SLC44A5: variants seen among roughly 807,000 people sequenced by gnomAD.
SLC44A5 encodes solute carrier family 44 member 5.
Under a neutral mutation model 101.8 loss-of-function variants are expected in SLC44A5, and 57 were observed. That is an observed-to-expected ratio of 0.56 (90% CI 0.45 to 0.70). The LOEUF (loss-of-function observed/expected upper bound fraction) is 0.70, where lower values mean the gene tolerates loss of function less well. SLC44A5 is among the 30% of genes least tolerant of loss of function. SLC44A5 has a pLI of 0.00. For synonymous variants in SLC44A5, 281 were observed against 290.9 expected (o/e 0.97, Z 0.35); for missense variants, 737 against 853.1 (o/e 0.86, Z 1.70).
At chr1:75,541,386 T>A (rs1671348446) in intron 2 of SLC44A5, 49 bp downstream of exon 2, 1 of 1,325,540 alleles carries the variant, frequency 7.5e-7, no homozygotes, top group Admixed American at 1.7e-5. Context: ...AAAGAATATT[T>A]GGCACAAAAG....
At position 75,203,819 on chromosome 1, in the gene SLC44A5, T is replaced by C. The variant is rs960719499; in HGVS notation, c.2062A>G (p.Arg688Gly). 1.4e-5 allele frequency: 22 copies of C among 1,548,282 alleles called. No individual in the cohort carries two copies. Among genetic ancestry groups the C allele is most frequent in the African/African-American group, 2.7e-5 (2 of 72,868 alleles). Residue 688 changes from arginine (R) to glycine (G), a missense_variant, in exon 24 of 24, where the codon AGA (arginine) becomes GGA (glycine). Arg to Gly is a moderately radical substitution (Grantham distance 125). Transcript: ENST00000370859. ...IFICFLEDLE[R>G]NDGSTARPYY... is the part of the protein sequence containing the mutation. ...GGTCTTGCAGTAGAACCATCATTTC[T>C]TTCTAAATCTTCCACTAGGAGGAAG...
intron 16 of SLC44A5, 89 bp downstream of exon 16, chr1:75,219,168 C>T: frequency 1.1e-6 from 1 of 942,290 alleles, no homozygotes; most frequent in Admixed American, 1.8e-5. Context: ...AGGATCTCTG[C>T]TTCGGGACAA....
the SLC44A5 span, among the ~76,000 whole-genome samples, chr1:75,665,218 C>G: frequency 6.6e-6 from 1 of 152,096 alleles, no homozygotes; most frequent in Non-Finnish European, 1.5e-5. Flanking sequence ...TATAAGGCTA[C>G]AATAACCAAA....
At chr1:75,614,915 C>G (rs573410403), upstream of SLC44A5, among the ~76,000 whole-genome samples, 16 of 152,222 alleles carry the variant, frequency 1.1e-4, no homozygotes, top group East Asian at 3.1e-3. Context: ...CCAGCGAGAG[C>G]TAGGGAGCCG....
intron 4 of SLC44A5, among the ~76,000 whole-genome samples, chr1:75,325,063 C>T (rs1167754801): frequency 6.6e-6 from 1 of 151,992 alleles, no homozygotes. Context: ...AATACACAAA[C>T]AAGTAAACAA....
intron 6 of SLC44A5, among the ~76,000 whole-genome samples, chr1:75,272,664 G>T (rs972445423): frequency 1.3e-5 from 2 of 151,846 alleles, no homozygotes; most frequent in Non-Finnish European, 2.9e-5. Context: ...CCCAATTTAC[G>T]TTTTGTATGC....
At chr1:75,432,770 G>A (rs537379470) in intron 2 of SLC44A5, among the ~76,000 whole-genome samples, 4 of 152,028 alleles carry the variant, frequency 2.6e-5, no homozygotes, top group East Asian at 3.9e-4. Flanking sequence ...AAAAAAATGC[G>A]AGGGTCCATT....
intron 6 of SLC44A5, among the ~76,000 whole-genome samples, chr1:75,257,442 T>TCAA (rs1650106984): frequency 6.6e-6 from 1 of 152,018 alleles, no homozygotes; most frequent in Admixed American, 6.5e-5. Flanking sequence ...ATGCCAGAAT[T>TCAA]CAACAGCCAA....
chr1:75,416,177 T>C (rs563738262), intron 2 of SLC44A5, among the ~76,000 whole-genome samples: 1 of 152,196 alleles, frequency 6.6e-6, no homozygotes, highest in South Asian at 2.1e-4. Context: ...GAAAAAGTTG[T>C]TTCATGGGCT....
At chr1:75,311,116 CTT>C (rs55858318) in intron 4 of SLC44A5, among the ~76,000 whole-genome samples, 1 of 146,806 alleles carries the variant, frequency 6.8e-6, no homozygotes. Context: ...AAAATAGCAT[CTT>C]TTTTTTTTTT....
At chr1:75,331,241 G>T (rs1395386625) in intron 4 of SLC44A5, among the ~76,000 whole-genome samples, 4 of 152,052 alleles carry the variant, frequency 2.6e-5, no homozygotes, top group Non-Finnish European at 4.4e-5. Flanking sequence ...CTCACGCATG[G>T]CATTCACAGG....
chr1:75,376,645 A>C (rs1660640321), intron 3 of SLC44A5, among the ~76,000 whole-genome samples: 2 of 151,192 alleles, frequency 1.3e-5, no homozygotes, highest in African/African-American at 4.8e-5. Flanking sequence ...AAAACTAACA[A>C]ACAGAAAGGA....
At chr1:75,356,180 T>C (rs77269484) in intron 3 of SLC44A5, among the ~76,000 whole-genome samples, 29,200 of 131,188 alleles carry the variant, frequency 0.22, 3,112 homozygotes, top group Non-Finnish European at 0.25. Context: ...GCTACTGCAC[T>C]CCAGCCTGGT....
chr1:75,233,881 T>C, intron 12 of SLC44A5, 105 bp downstream of exon 12: 2 of 820,394 alleles, frequency 2.4e-6, no homozygotes, highest in South Asian at 1.8e-5. Flanking sequence ...GGGTAAAGAA[T>C]AATTAGATCC....
At chr1:75,582,311 A>C (rs1018038991) in intron 1 of SLC44A5, 14 of 1,502,672 alleles carry the variant, frequency 9.3e-6, no homozygotes, top group Non-Finnish European at 1.3e-5. Context: ...AAAGGCTATC[A>C]AGGCCCTGGT....
intron 5 of SLC44A5, among the ~76,000 whole-genome samples, chr1:75,287,817 G>GCCGTGAATA (rs1490715057): frequency 1.3e-5 from 2 of 152,190 alleles, no homozygotes; most frequent in Non-Finnish European, 1.5e-5. Context: ...AGGTGTCTCA[G>GCCGTGAATA]CCGTGAATAC....
intron 2 of SLC44A5, among the ~76,000 whole-genome samples, chr1:75,533,374 C>A (rs906657381): frequency 5.9e-5 from 9 of 152,142 alleles, no homozygotes; most frequent in Admixed American, 2.0e-4. Context: ...CATTAATTAT[C>A]CATGTTGTCC....
the SLC44A5 span, among the ~76,000 whole-genome samples, chr1:75,640,426 TC>T: frequency 6.6e-6 from 1 of 152,014 alleles, no homozygotes; most frequent in Non-Finnish European, 1.5e-5. Flanking sequence ...CTGGAGCAAG[TC>T]AATGGTCAAG....
At chr1:75,639,510 C>A in the SLC44A5 span, among the ~76,000 whole-genome samples, 1 of 152,068 alleles carries the variant, frequency 6.6e-6, no homozygotes, top group Non-Finnish European at 1.5e-5. Context: ...CTAAATTATT[C>A]TTTGACTGTT....
Sources: allele counts gnomAD v4.1 joint callset (sites outside exome capture counted in the v4.1 genomes callset), GRCh38; gene constraint gnomAD v4.1.1; transcripts MANE v1.5; gene names NCBI Gene and HGNC (gene_info 2026-07-23, HGNC 2026-07-21).